RNF133: variants seen among roughly 807,000 people sequenced by gnomAD.
RNF133 encodes the protein ring finger protein 133, also known as E3 ubiquitin-protein ligase RNF133.
For synonymous variants in RNF133, 153 were observed against 152.1 expected (o/e 1.01, Z -0.04); for missense variants, 469 against 450.5 (o/e 1.04, Z -0.37).
In RNF133 at chr7:122,698,552, C is replaced by G. The variant is rs753748497; in HGVS notation, c.367G>C (p.Gly123Arg). ...TQKIKVATEK[G>R]ASGVIIYNVP... ...TTATAGATGATCACTCCACTGGCTC[C>G]CTTCTCAGTTGCCACTTTAATTTTC... The change falls in exon 1 of 1, where the codon GGA (glycine) becomes CGA (arginine). Residue 123 changes from glycine (G) to arginine (R), a missense_variant. Transcript: ENST00000340112. The G allele has an allele frequency of 6.2e-7, 1 of 1,614,074 alleles. No homozygotes were observed. The highest frequency in any genetic ancestry group is 8.5e-7 in the Non-Finnish European group (1 of 1,179,952).
chr7:122,698,528 T>C lies in RNF133; in HGVS notation c.391A>G (p.Asn131Asp). Residue 131 changes from asparagine to aspartate, a missense_variant, in exon 1 of 1, where the codon AAC (asparagine) becomes GAC (aspartate). Transcript: ENST00000340112. ...ACCTGGTTGCCAGTACCTGGAACGT[T>C]ATAGATGATCACTCCACTGGCTCCC... ...EKGASGVIIYNVPGTGNQVFP... is the reference protein window; with the variant it reads ...EKGASGVIIYDVPGTGNQVFP... The C allele has an allele frequency of 6.2e-7, 1 of 1,614,032 alleles. No homozygotes were observed. Among genetic ancestry groups the C allele is most frequent in the Non-Finnish European group, 8.5e-7 (1 of 1,179,946 alleles).
At position 122,698,040 on chromosome 7, in the gene RNF133, G is replaced by T; in HGVS notation, c.879C>A (p.Cys293Ter). The change falls in exon 1 of 1, where the codon TGC (cysteine) becomes TGA (stop). Residue 293 changes from cysteine to a stop codon, truncating the protein, a stop_gained. Transcript: ENST00000340112. LOFTEE classifies it low-confidence loss of function (END_TRUNC). ...TAAGAATATCACATTTGCAAATGGG[G>T]CATGTCCCATGGGGTAAAATCCAGG... is the stretch of plus-strand genomic sequence containing the variant. ...IDPWILPHGT[C>*]PICKCDILKV... 1.2e-6 allele frequency: 2 copies of T among 1,613,826 alleles called. No individual in the cohort carries two copies. Among genetic ancestry groups the T allele is most frequent in the Non-Finnish European group, 1.7e-6 (2 of 1,179,854 alleles).
In RNF133 at chr7:122,698,040, G is replaced by A. The variant is rs772945544; in HGVS notation, c.879C>T (p.Cys293=). The part of the protein sequence containing the change: ...IDPWILPHGT[C]PICKCDILKV... ...TAAGAATATCACATTTGCAAATGGG[G>A]CATGTCCCATGGGGTAAAATCCAGG... Residue 293 remains cysteine (C), a synonymous_variant, in exon 1 of 1, where the codon TGC becomes TGT. Transcript: ENST00000340112. 1.2e-6 allele frequency: 2 copies of A among 1,613,826 alleles called. No individual in the cohort carries two copies. Among genetic ancestry groups the A allele is most frequent in the Non-Finnish European group, 1.7e-6 (2 of 1,179,854 alleles).
Position 122,698,064 on chromosome 7 carries a change from G to A in RNF133, c.855C>T (p.Pro285=), listed in dbSNP as rs1426659456. 1.9e-6 allele frequency: 3 copies of A among 1,613,880 alleles called. No homozygotes were observed. The highest frequency in any genetic ancestry group is 4.5e-5 in the East Asian group (2 of 44,886). The part of the protein sequence containing the change: ...KHFFHKNCID[P]WILPHGTCPI... ...GGCATGTCCCATGGGGTAAAATCCA[G>A]GGGTCAATGCAATTCTTGTGGAAAA... Residue 285 remains proline (P), a synonymous_variant, in exon 1 of 1, where the codon CCC becomes CCT. Transcript: ENST00000340112.
At position 122,697,916 on chromosome 7, in the gene RNF133, C is replaced by T. The variant is rs150810922; in HGVS notation, c.1003G>A (p.Glu335Lys). The T allele has an allele frequency of 3.5e-5, 56 of 1,613,812 alleles. No homozygotes were observed. The highest frequency in any genetic ancestry group is 4.7e-5 in the Non-Finnish European group (55 of 1,179,890). ...LPETLSPSEE[E>K]TNNEVSPAGT... ...GCAGGAGAAACTTCATTATTTGTCTCCTCTTCACTAGGTGATAAGGTTTCA... is the reference window on the plus strand; with the variant it reads ...GCAGGAGAAACTTCATTATTTGTCTTCTCTTCACTAGGTGATAAGGTTTCA... Residue 335 changes from glutamate to lysine, a missense_variant, in exon 1 of 1, where the codon GAG (glutamate) becomes AAG (lysine). By Grantham distance (56) the Glu-to-Lys change is moderately conservative. Transcript: ENST00000340112.
Position 122,699,038 on chromosome 7 carries a change from G to A in RNF133, c.-120C>T, listed in dbSNP as rs1162037402. 5 of 682,614 alleles carry A rather than the reference G, an allele frequency of 7.3e-6. No individual in the cohort carries two copies. The Admixed American group carries it at 1.7e-4, about 24-fold the overall frequency. 42.3% of individuals were successfully genotyped at this position (682,614 alleles called of 1,614,324 possible). ...TACAAACAAGATCCACTGTCTTCCAGCATGTTTTTGTAAGAAATTCTTAAA... is the reference window on the plus strand; with the variant it reads ...TACAAACAAGATCCACTGTCTTCCAACATGTTTTTGTAAGAAATTCTTAAA... On this transcript the variant is annotated 5_prime_UTR_variant, in exon 1 of 1. Transcript: ENST00000340112.
rs776447988 is a variant in RNF133, at chr7:122,698,211, T to C, written c.708A>G (p.Gln236=). Residue 236 remains glutamine (Q), a synonymous_variant, in exon 1 of 1, where the codon CAA becomes CAG. Coordinates refer to ENST00000340112, the MANE Select transcript of RNF133 (RefSeq NM_139175.2). ...CCTCTTTTACTACTCGAAGTTGGAG[T>C]TGTCCAAATGTGTTCTGAAGATCTG... ...LTTDLQNTFG[Q]LQLRVVKEGD... The C allele has an allele frequency of 2.5e-6, 4 of 1,613,716 alleles. No homozygotes were observed. The highest frequency in any genetic ancestry group is 2.5e-6 in the Non-Finnish European group (3 of 1,179,886).
At position 122,698,143 on chromosome 7, in the gene RNF133, C is replaced by T. The variant is rs1319292535; in HGVS notation, c.776G>A (p.Cys259Tyr). 1.9e-6 allele frequency: 3 copies of T among 1,613,916 alleles called. No individual in the cohort carries two copies. Among genetic ancestry groups the T allele is most frequent in the Non-Finnish European group, 2.5e-6 (3 of 1,179,880 alleles). ...INPNGDSCVI[C>Y]FERYKPNDIV... ...GTCATTAGGCTTATAGCGTTCAAAG[C>T]AAATTACGCAGCTATCCCCATTTGG... is the stretch of plus-strand genomic sequence containing the variant. Residue 259 changes from cysteine (C) to tyrosine (Y), a missense_variant, in exon 1 of 1, where the codon TGC becomes TAC. Cys to Tyr is a radical substitution (Grantham distance 194). Transcript: ENST00000340112.
In RNF133 at chr7:122,698,369, T is replaced by C. The variant is rs2085469153; in HGVS notation, c.550A>G (p.Ile184Val). ...ACCAAATAGTGATTCATCCAGATGATGTGCTTTCTCCCCACCTCAACCACG... is the reference window on the plus strand; with the variant it reads ...ACCAAATAGTGATTCATCCAGATGACGTGCTTTCTCCCCACCTCAACCACG... ...TAVVEVGRKHIIWMNHYLVSF... is the reference protein window; with the variant it reads ...TAVVEVGRKHVIWMNHYLVSF... Residue 184 changes from isoleucine (I) to valine (V), a missense_variant, in exon 1 of 1, where the codon ATC becomes GTC. By Grantham distance (29) the Ile-to-Val change is conservative (BLOSUM62 3). Transcript: ENST00000340112. 1 of 1,613,792 alleles carries C rather than the reference T, an allele frequency of 6.2e-7. No individual in the cohort carries two copies. Among genetic ancestry groups the C allele is most frequent in the Non-Finnish European group, 8.5e-7 (1 of 1,179,676 alleles).
Position 122,698,158 on chromosome 7 carries a change from T to A in RNF133, c.761A>T (p.Asp254Val), listed in dbSNP as rs921555581. ...EGDEEINPNG[D>V]SCVICFERYK... ...GCGTTCAAAGCAAATTACGCAGCTATCCCCATTTGGATTTATTTCTTCATC... is the reference window on the plus strand; with the variant it reads ...GCGTTCAAAGCAAATTACGCAGCTAACCCCATTTGGATTTATTTCTTCATC... Residue 254 changes from aspartate (D) to valine (V), a missense_variant, in exon 1 of 1, where the codon GAT becomes GTT. Asp to Val is a radical substitution (Grantham distance 152). Coordinates refer to ENST00000340112, the MANE Select transcript of RNF133 (RefSeq NM_139175.2). The A allele has an allele frequency of 5.0e-6, 8 of 1,613,864 alleles. No individual in the cohort carries two copies. The African/African-American group carries it at 1.1e-4, about 22-fold the overall frequency.
In RNF133 at chr7:122,697,801, T is replaced by C; in HGVS notation, c.1118A>G (p.His373Arg). The C allele has an allele frequency of 1.3e-6, 2 of 1,581,374 alleles. No homozygotes were observed. The highest frequency in any genetic ancestry group is 1.7e-6 in the Non-Finnish European group (2 of 1,167,662). ...AAAGTCATGCCATCAAGGTGAAGGATGAACATCTTCCACTACTGAATGAGG... is the reference window on the plus strand; with the variant it reads ...AAAGTCATGCCATCAAGGTGAAGGACGAACATCTTCCACTACTGAATGAGG... Reference protein sequence around the residue: ...IQPHSVVEDVHPSP With the variant: ...IQPHSVVEDVRPSP Residue 373 changes from histidine to arginine, a missense_variant, in exon 1 of 1, where the codon CAT (histidine) becomes CGT (arginine). His to Arg is a conservative substitution (Grantham distance 29). Coordinates refer to ENST00000340112, the MANE Select transcript of RNF133 (RefSeq NM_139175.2).
In RNF133 at chr7:122,698,119, T is replaced by C. The variant is rs773840565; in HGVS notation, c.800A>G (p.Asp267Gly). The C allele has an allele frequency of 5.6e-6, 9 of 1,613,834 alleles. No individual in the cohort carries two copies. The Middle Eastern group carries it at 1.3e-3, about 236-fold the overall frequency. The change falls in exon 1 of 1, where the codon GAC becomes GGC. Residue 267 changes from aspartate (D) to glycine (G), a missense_variant. Asp to Gly is a moderately conservative substitution (Grantham distance 94). Coordinates refer to ENST00000340112, the MANE Select transcript of RNF133 (RefSeq NM_139175.2). ...VICFERYKPN[D>G]IVRILTCKHF... ...TTTACAAGTCAGAATACGAACTATGTCATTAGGCTTATAGCGTTCAAAGCA... is the reference window on the plus strand; with the variant it reads ...TTTACAAGTCAGAATACGAACTATGCCATTAGGCTTATAGCGTTCAAAGCA...
In RNF133 at chr7:122,698,840, C is replaced by T. The variant is rs756165355; in HGVS notation, c.79G>A (p.Val27Ile). The change falls in exon 1 of 1, where the codon GTT (valine) becomes ATT (isoleucine). Residue 27 changes from valine to isoleucine, a missense_variant. By Grantham distance (29) the Val-to-Ile change is conservative. Coordinates refer to ENST00000340112, the MANE Select transcript of RNF133 (RefSeq NM_139175.2). ...WLMKFSVLWL[V>I]SQNCCRASVV... ...CTTGCTCTGCAACAGTTCTGACTAACAAGCCAAAGAACACTGAACTTCATA... is the reference window on the plus strand; with the variant it reads ...CTTGCTCTGCAACAGTTCTGACTAATAAGCCAAAGAACACTGAACTTCATA... The T allele has an allele frequency of 1.9e-6, 3 of 1,613,538 alleles. No individual in the cohort carries two copies. Among genetic ancestry groups the T allele is most frequent in the South Asian group, 2.2e-5 (2 of 91,012 alleles).
rs895606646 is a variant in RNF133, at chr7:122,699,041, T to C, written c.-123A>G. ...AAACAAGATCCACTGTCTTCCAGCA[T>C]GTTTTTGTAAGAAATTCTTAAAGAT... On this transcript the variant is annotated 5_prime_UTR_variant, in exon 1 of 1. It removes an upstream start codon present in the reference 5' UTR. Transcript: ENST00000340112. The C allele has an allele frequency of 8.8e-6, 6 of 682,332 alleles. No individual in the cohort carries two copies. Among genetic ancestry groups the C allele is most frequent in the African/African-American group, 7.3e-5 (4 of 55,092 alleles). The allele number at this position is 682,332 out of a possible 1,614,324, so 42.3% of individuals were successfully genotyped here.
At position 122,698,104 on chromosome 7, in the gene RNF133, A is replaced by C; in HGVS notation, c.815T>G (p.Leu272Arg). 6.2e-7 allele frequency: 1 copy of C among 1,614,060 alleles called. No homozygotes were observed. Among genetic ancestry groups the C allele is most frequent in the Non-Finnish European group, 8.5e-7 (1 of 1,179,916 alleles). The change falls in exon 1 of 1, where the codon CTG becomes CGG. Residue 272 changes from leucine (L) to arginine (R), a missense_variant. Transcript: ENST00000340112. The stretch of plus-strand genomic sequence containing the variant: ...CTTGTGGAAAAAATGTTTACAAGTC[A>C]GAATACGAACTATGTCATTAGGCTT... The part of the protein sequence containing the change: ...RYKPNDIVRI[L>R]TCKHFFHKNC...
chr7:122,698,365 A>C lies in RNF133; in HGVS notation c.554T>G (p.Ile185Ser), dbSNP rs1394751086. The C allele has an allele frequency of 6.2e-7, 1 of 1,613,830 alleles. No homozygotes were observed. The highest frequency in any genetic ancestry group is 1.1e-5 in the South Asian group (1 of 91,084). Residue 185 changes from isoleucine (I) to serine (S), a missense_variant, in exon 1 of 1, where the codon ATC becomes AGC. Ile to Ser is a moderately radical substitution (Grantham distance 142). Transcript: ENST00000340112. ...AGAGACCAAATAGTGATTCATCCAG[A>C]TGATGTGCTTTCTCCCCACCTCAAC... ...AVVEVGRKHIIWMNHYLVSFV... is the reference protein window; with the variant it reads ...AVVEVGRKHISWMNHYLVSFV...
At position 122,698,391 on chromosome 7, in the gene RNF133, C is replaced by G; in HGVS notation, c.528G>C (p.Val176=). The G allele has an allele frequency of 6.2e-7, 1 of 1,613,954 alleles. No individual in the cohort carries two copies. The highest frequency in any genetic ancestry group is 8.5e-7 in the Non-Finnish European group (1 of 1,179,874). ...LIKKGVLITA[V]VEVGRKHIIW... ...TGATGTGCTTTCTCCCCACCTCAACCACGGCTGTAATGAGAACTCCCTTCT... is the reference window on the plus strand; with the variant it reads ...TGATGTGCTTTCTCCCCACCTCAACGACGGCTGTAATGAGAACTCCCTTCT... The change falls in exon 1 of 1, where the codon GTG becomes GTC. Residue 176 remains valine, a synonymous_variant. Coordinates refer to ENST00000340112, the MANE Select transcript of RNF133 (RefSeq NM_139175.2).
Sources: gnomAD v4.1 joint callset for allele counts on GRCh38, gnomAD v4.1.1 for gene constraint, MANE v1.5 for transcripts, NCBI Gene and HGNC (gene_info 2026-07-23, HGNC 2026-07-21) for gene names.